The following STRADB variants were observed in gnomAD, a reference collection of about 807,000 sequenced individuals.
STRADB encodes STE20-related kinase adapter protein beta.
A neutral mutation model predicts 52.1 loss-of-function variants in STRADB; 34 were observed. The observed-to-expected ratio is 0.65, with a 90% CI of 0.50 to 0.87. The LOEUF (loss-of-function observed/expected upper bound fraction) is 0.87. STRADB is among the 40% of genes least tolerant of loss of function. The probability of loss-of-function intolerance (pLI) is 0.00; values close to 1 mark genes in which losing one functional copy is unlikely to be tolerated. For synonymous variants in STRADB, 133 were observed against 174.5 expected (o/e 0.76, Z 1.87); for missense variants, 340 against 483.9 (o/e 0.70, Z 2.79).
At chr2:201,468,085 CTTT>C (rs536551120) in intron 3 of STRADB, among the ~76,000 whole-genome samples, 2 of 71,034 alleles carry the variant, frequency 2.8e-5, no homozygotes, top group South Asian at 8.7e-4. Context: ...TTTTTTTTTT[CTTT>C]TTTTTTTTTT....
intron 4 of STRADB, among the ~76,000 whole-genome samples, chr2:201,472,301 A>G (rs1429380369): frequency 6.6e-6 from 1 of 152,264 alleles, no homozygotes; most frequent in Non-Finnish European, 1.5e-5. Context: ...AAAAACCTGT[A>G]TAGGAATGTT....
intron 3 of STRADB, among the ~76,000 whole-genome samples, chr2:201,466,684 A>G (rs1340922028): frequency 6.6e-6 from 1 of 152,160 alleles, no homozygotes; most frequent in Non-Finnish European, 1.5e-5. Context: ...CTGTAGGAAA[A>G]TTCATTTTCT....
Position 201,477,812 on chromosome 2 carries a change from G to T in STRADB, c.720+22G>T, listed in dbSNP as rs758149400. 4 of 1,604,250 alleles carry T rather than the reference G, an allele frequency of 2.5e-6. No individual in the cohort carries two copies. The South Asian group carries it at 3.3e-5, about 13-fold the overall frequency. ...ACAGGTCAGGTGTGGCCGTTGGATTGGGTTGTCTGTGTCTCAAGTGTCTTC... is the reference window on the plus strand; with the variant it reads ...ACAGGTCAGGTGTGGCCGTTGGATTTGGTTGTCTGTGTCTCAAGTGTCTTC... On this transcript the variant is annotated intron_variant, in intron 8 of 11. Transcript: ENST00000194530.
chr2:201,457,570 A>T (rs868134703), intron 2 of STRADB: 2 of 152,344 alleles, frequency 1.3e-5, no homozygotes, highest in Non-Finnish European at 2.9e-5. Context: ...TGGGACAATG[A>T]CTAGTTTGAT....
intron 1 of STRADB, among the ~76,000 whole-genome samples, chr2:201,452,459 T>C (rs145494739): frequency 0.025 from 3,806 of 152,336 alleles, 77 homozygotes; most frequent in Non-Finnish European, 0.04. Context: ...TGTTTTTCCC[T>C]GCTGGGTCTT....
intron 3 of STRADB, among the ~76,000 whole-genome samples, chr2:201,464,877 C>T (rs1400182885): frequency 6.6e-6 from 1 of 152,224 alleles, no homozygotes; most frequent in Non-Finnish European, 1.5e-5. Flanking sequence ...CCACCATTGT[C>T]CCAGGCCCAT....
At chr2:201,478,639 T>A in intron 10 of STRADB, 38 bp downstream of exon 10, 1 of 1,589,792 alleles carries the variant, frequency 6.3e-7, no homozygotes, top group Non-Finnish European at 8.6e-7. Flanking sequence ...AAAATGTACA[T>A]GTTTTACATT....
intron 2 of STRADB, chr2:201,457,270 A>C (rs1952142155): frequency 6.6e-6 from 1 of 152,228 alleles, no homozygotes; most frequent in Non-Finnish European, 1.5e-5. Context: ...AAATATATAA[A>C]TACCAAACAA....
At chr2:201,457,205 C>G (rs1952140781) in intron 2 of STRADB, among the ~76,000 whole-genome samples, 2 of 152,160 alleles carry the variant, frequency 1.3e-5, no homozygotes, top group African/African-American at 4.8e-5. Context: ...GTTAATTCTT[C>G]TTTTGCACAG....
intron 2 of STRADB, 50 bp from the exon 3 acceptor site, chr2:201,458,734 C>T (rs1952166748): frequency 3.2e-6 from 5 of 1,555,540 alleles, no homozygotes; most frequent in Non-Finnish European, 4.4e-6. Flanking sequence ...ACCACCCCTG[C>T]TTATCCTGTA....
intron 2 of STRADB, among the ~76,000 whole-genome samples, chr2:201,456,441 T>A (rs2125671309): frequency 6.6e-6 from 1 of 152,372 alleles, no homozygotes; most frequent in Non-Finnish European, 1.5e-5. Flanking sequence ...CTTAGCCTAT[T>A]ATTCCATAAT....
intron 7 of STRADB, among the ~76,000 whole-genome samples, chr2:201,476,370 T>C (rs1952472343): frequency 6.6e-6 from 1 of 151,442 alleles, no homozygotes; most frequent in Non-Finnish European, 1.5e-5. Flanking sequence ...TTTTTTTTTT[T>C]TTTTTAGCAA....
chr2:201,470,992 C>T (rs1034372012), intron 4 of STRADB, among the ~76,000 whole-genome samples: 6 of 152,164 alleles, frequency 3.9e-5, no homozygotes, highest in African/African-American at 4.8e-5. Context: ...ATGTACTGCC[C>T]GCCACCAGAC....
At position 201,451,836 on chromosome 2, in the gene STRADB, C is replaced by G. The variant is rs1952045973; in HGVS notation, c.-198C>G. Reference sequence around the variant, plus strand: ...CCCGCGCCCCGCGCCGGGAGCGGGCCTAGAGCGCTCGCCTCGCCCCTCCGC... The same window carrying G: ...CCCGCGCCCCGCGCCGGGAGCGGGCGTAGAGCGCTCGCCTCGCCCCTCCGC... On this transcript the variant is annotated 5_prime_UTR_variant, in exon 1 of 12. Coordinates refer to ENST00000194530, the MANE Select transcript of STRADB (RefSeq NM_018571.6). 1 of 152,348 alleles carries G rather than the reference C, an allele frequency of 6.6e-6. No homozygotes were observed. Among genetic ancestry groups the G allele is most frequent in the Non-Finnish European group, 1.5e-5 (1 of 68,276 alleles). 9.4% of individuals were successfully genotyped at this position (152,348 alleles called of 1,614,324 possible).
In STRADB at chr2:201,462,174, A is replaced by G. The variant is rs558138980; in HGVS notation, c.93+3310A>G. 1.4e-4 allele frequency among the ~76,000 whole-genome samples: 22 copies of G among 152,152 alleles called. No homozygotes were observed. In the East Asian group the frequency reaches 4.0e-3, roughly 28 times the overall value. The stretch of plus-strand genomic sequence containing the variant: ...ATAATGACCTTCCATGTCTCTTTTT[A>G]TAAGTTTTTCCTTGAAATTTATTTT... On this transcript the variant is annotated intron_variant, in intron 3 of 11. Coordinates refer to ENST00000194530, the MANE Select transcript of STRADB (RefSeq NM_018571.6).
rs113681492 is a variant in STRADB at position 201,460,818 on chromosome 2, A to T, written c.93+1954A>T. 4.1e-3 allele frequency: 1,525 copies of T among 371,670 alleles called. 27 individuals carry two copies. Among genetic ancestry groups the T allele is most frequent in the African/African-American group, 0.027 (1,328 of 48,472 alleles). 23.0% of individuals were successfully genotyped at this position (371,670 alleles called of 1,614,324 possible). The stretch of plus-strand genomic sequence containing the variant: ...CTTGGCTATTGTCAGTAGTGCTGCA[A>T]TAAACATGGATGTGTATATATCTCT... On this transcript the variant is annotated intron_variant, in intron 3 of 11. Transcript: ENST00000194530.
intron 3 of STRADB, among the ~76,000 whole-genome samples, chr2:201,469,300 T>C (rs1206167708): frequency 6.6e-6 from 1 of 152,184 alleles, no homozygotes; most frequent in East Asian, 1.9e-4. Context: ...AAGCCAGTAG[T>C]TTAGGCTTCT....
At chr2:201,471,341 C>T (rs953368394) in intron 4 of STRADB, among the ~76,000 whole-genome samples, 3 of 152,068 alleles carry the variant, frequency 2.0e-5, no homozygotes, top group Non-Finnish European at 2.9e-5. Flanking sequence ...GTTTGGAACA[C>T]GTTGTGAAGG....
At chr2:201,471,044 G>T (rs1952381461) in intron 4 of STRADB, among the ~76,000 whole-genome samples, 2 of 152,138 alleles carry the variant, frequency 1.3e-5, no homozygotes, top group Admixed American at 1.3e-4. Flanking sequence ...CTGCTGCTTT[G>T]TCCTTCACTC....
Sources: allele counts gnomAD v4.1 joint callset (sites outside exome capture counted in the v4.1 genomes callset), GRCh38; gene constraint gnomAD v4.1.1; transcripts MANE v1.5; gene names NCBI Gene and HGNC (gene_info 2026-07-23, HGNC 2026-07-21).